CAST: variants seen among roughly 807,000 people sequenced by gnomAD.
The protein encoded by CAST is calpastatin, also known as MIR583 host.
A neutral mutation model predicts 119.6 loss-of-function variants in CAST; 76 were observed. The observed-to-expected ratio is 0.64, with a 90% CI of 0.53 to 0.77. CAST has a LOEUF of 0.77. CAST is among the 30% of genes least tolerant of loss of function. The pLI, the probability that CAST is intolerant of heterozygous loss-of-function variation, is 0.00. For missense variants in CAST, 953 were observed against 946.5 expected (o/e 1.01, Z -0.09); for synonymous variants, 319 against 331.6 (o/e 0.96, Z 0.41).
At chr5:96,739,966 T>C (rs1762353761) in intron 11 of CAST, 72 bp from the exon 12 acceptor site, 1 of 725,982 alleles carries the variant, frequency 1.4e-6, no homozygotes, top group South Asian at 1.7e-5. Context: ...AGTGCTTTAG[T>C]TTCAGAATAT....
chr5:96,337,471 A>G, the CAST span, among the ~76,000 whole-genome samples: 1 of 152,220 alleles, frequency 6.6e-6, no homozygotes, highest in South Asian at 2.1e-4. Flanking sequence ...GGGAAAAAAT[A>G]TTAGGACACC....
In CAST at chr5:96,675,526, T is replaced by A. The variant is rs1236889726; in HGVS notation, c.76-13T>A. On this transcript the variant is annotated splice_polypyrimidine_tract_variant and intron_variant, in intron 1 of 31. Transcript: ENST00000675179. ...TCTTCCTTTATTAAGCATTATTTTT[T>A]ACTTTTTTATAGCATGTCAGTGAAA... The A allele has an allele frequency of 6.3e-7, 1 of 1,593,412 alleles. No homozygotes were observed. Among genetic ancestry groups the A allele is most frequent in the Non-Finnish European group, 8.6e-7 (1 of 1,161,362 alleles).
At chr5:96,545,042 A>G (rs954410439) in intron 1 of CAST, among the ~76,000 whole-genome samples, 23 of 152,228 alleles carry the variant, frequency 1.5e-4, no homozygotes, top group East Asian at 7.7e-4. Context: ...AAAGAGGTCA[A>G]TTCTCCAAGA....
At chr5:96,407,006 A>C in the CAST span, among the ~76,000 whole-genome samples, 16 of 152,328 alleles carry the variant, frequency 1.1e-4, no homozygotes, top group South Asian at 3.1e-3. Flanking sequence ...AAAAAAGTTA[A>C]ATCTTTTTTT....
At chr5:96,618,782 C>T (rs1747527862) in intron 1 of CAST, among the ~76,000 whole-genome samples, 1 of 152,226 alleles carries the variant, frequency 6.6e-6, no homozygotes, top group African/African-American at 2.4e-5. Context: ...GTCCACCATG[C>T]CCGAGCCTCC....
chr5:96,043,213 T>C, the CAST span, among the ~76,000 whole-genome samples: 4 of 152,210 alleles, frequency 2.6e-5, no homozygotes, highest in Non-Finnish European at 4.4e-5. Context: ...AAATCAACTA[T>C]GTTCTTCTGA....
chr5:96,026,080 T>C, the CAST span, among the ~76,000 whole-genome samples: 2 of 151,940 alleles, frequency 1.3e-5, no homozygotes, highest in Non-Finnish European at 2.9e-5. Context: ...AAAAAATAAA[T>C]TAAAAAATTA....
At chr5:96,298,303 TAAG>T in the CAST span, among the ~76,000 whole-genome samples, 1 of 152,234 alleles carries the variant, frequency 6.6e-6, no homozygotes, top group South Asian at 2.1e-4. Context: ...TTCTGCTTAG[TAAG>T]AAGTGCTCAT....
At chr5:96,469,056 A>T in the CAST span, among the ~76,000 whole-genome samples, 1 of 152,126 alleles carries the variant, frequency 6.6e-6, no homozygotes, top group Non-Finnish European at 1.5e-5. Flanking sequence ...CTATTATGGA[A>T]GAACACTGTC....
At chr5:96,649,961 A>G (rs1748071538) in intron 1 of CAST, among the ~76,000 whole-genome samples, 1 of 152,222 alleles carries the variant, frequency 6.6e-6, no homozygotes, top group African/African-American at 2.4e-5. Flanking sequence ...TTTTACTTGG[A>G]TATTCTCACA....
the CAST span, among the ~76,000 whole-genome samples, chr5:96,382,046 G>T: frequency 2.0e-5 from 3 of 152,286 alleles, no homozygotes. Flanking sequence ...AAACAGAAGA[G>T]TGAAAAAGGT....
chr5:96,534,239 G>A (rs1322499655), intron 1 of CAST, among the ~76,000 whole-genome samples: 2 of 152,150 alleles, frequency 1.3e-5, no homozygotes, highest in Admixed American at 1.3e-4. Flanking sequence ...AATGCATGAT[G>A]TCACAAAATC....
the CAST span, chr5:96,412,571 G>A: frequency 3.1e-6 from 4 of 1,303,120 alleles, no homozygotes; most frequent in South Asian, 4.9e-5. Context: ...CTTACTATTT[G>A]TATTTTTAAA....
intron 1 of CAST, among the ~76,000 whole-genome samples, chr5:96,552,161 A>G (rs2150182410): frequency 1.3e-5 from 2 of 152,214 alleles, no homozygotes; most frequent in South Asian, 4.1e-4. Context: ...TGACCACATA[A>G]TTGGAAGTAA....
At chr5:96,102,720 G>C in the CAST span, among the ~76,000 whole-genome samples, 1 of 135,952 alleles carries the variant, frequency 7.4e-6, no homozygotes, top group Non-Finnish European at 1.7e-5. Flanking sequence ...TAGTTTTCTT[G>C]GGGTTTTTTT....
the CAST span, among the ~76,000 whole-genome samples, chr5:96,133,498 G>A: frequency 2.0e-5 from 3 of 152,118 alleles, no homozygotes; most frequent in South Asian, 2.1e-4. Context: ...CATTCTTTAC[G>A]ACATGAGAGG....
At chr5:96,671,184 C>T (rs906541587) in intron 1 of CAST, among the ~76,000 whole-genome samples, 1 of 152,052 alleles carries the variant, frequency 6.6e-6, no homozygotes, top group Non-Finnish European at 1.5e-5. Flanking sequence ...GAGCACATAC[C>T]ACCTTCATCT....
At chr5:96,684,767 G>A (rs141444652) in intron 2 of CAST, among the ~76,000 whole-genome samples, 2,209 of 151,814 alleles carry the variant, frequency 0.015, 55 homozygotes, top group African/African-American at 0.051. Flanking sequence ...ACAGGGTTTC[G>A]CCATGTTGCC....
At chr5:96,621,691 A>G (rs1747608962) in intron 1 of CAST, among the ~76,000 whole-genome samples, 1 of 152,236 alleles carries the variant, frequency 6.6e-6, no homozygotes, top group East Asian at 1.9e-4. Flanking sequence ...TTACAATTCA[A>G]GATGAGATTT....
Sources: allele counts gnomAD v4.1 joint callset (sites outside exome capture counted in the v4.1 genomes callset), GRCh38; gene constraint gnomAD v4.1.1; transcripts MANE v1.5; gene names NCBI Gene and HGNC (gene_info 2026-07-23, HGNC 2026-07-21).